Variants in NCOA6 observed in about 807,000 individuals in gnomAD.
The protein encoded by NCOA6 is NRC RAP250.
In NCOA6, 49 loss-of-function variants were observed where a neutral mutation model predicts 171.4. That is an observed-to-expected ratio of 0.29 (90% confidence interval 0.23 to 0.36). NCOA6 has a LOEUF of 0.36. NCOA6 is among the 10% of genes least tolerant of loss of function. The probability of loss-of-function intolerance (pLI) is 1.00; values close to 1 mark genes in which losing one functional copy is unlikely to be tolerated. For synonymous variants in NCOA6, 910 were observed against 927.5 expected, an observed-to-expected ratio of 0.98 and a Z score of 0.34; for missense variants, 2,248 against 2,554.5, an observed-to-expected ratio of 0.88 and a Z score of 2.59.
At position 34,757,931 on chromosome 20, in the gene NCOA6, G is replaced by A; in HGVS notation, c.817C>T (p.Gln273Ter). ...TGTTGCTGTTGTTGCTGCTGCTGCT[G>A]CTGCTGCTGCTGTTGTTGTTGTTGC... is the stretch of plus-strand genomic sequence containing the variant. ...QQQQQQQQQQ[Q>*]QQQQQQQQQQ... Residue 273 changes from glutamine (Q) to a stop codon, truncating the protein, a stop_gained, in exon 7 of 15, where the codon CAG (glutamine) becomes TAG (stop). Transcript: ENST00000359003. LOFTEE classifies it high-confidence loss of function. 6.2e-7 allele frequency: 1 copy of A among 1,613,836 alleles called. No individual in the cohort carries two copies. Among genetic ancestry groups the A allele is most frequent in the Non-Finnish European group, 8.5e-7 (1 of 1,179,846 alleles).
At chr20:34,716,811 T>C (rs2146873276) in intron 14 of NCOA6, among the ~76,000 whole-genome samples, 1 of 152,024 alleles carries the variant, frequency 6.6e-6, no homozygotes, top group Admixed American at 6.5e-5. Flanking sequence ...CAGAGTACAG[T>C]GAATAGCCTG....
chr20:34,790,050 C>T (rs1368937780), intron 2 of NCOA6, among the ~76,000 whole-genome samples: 4 of 146,054 alleles, frequency 2.7e-5, no homozygotes, highest in African/African-American at 5.1e-5. Flanking sequence ...GCCTGGCCAA[C>T]GTGGCAAATC....
intron 1 of NCOA6, among the ~76,000 whole-genome samples, chr20:34,807,081 C>T (rs1465487100): frequency 6.6e-6 from 1 of 152,152 alleles, no homozygotes; most frequent in Non-Finnish European, 1.5e-5. Context: ...TGATAGGATG[C>T]CACTCCATGA....
At chr20:34,717,991 T>C (rs1271554689) in intron 14 of NCOA6, among the ~76,000 whole-genome samples, 1 of 152,170 alleles carries the variant, frequency 6.6e-6, no homozygotes, top group Non-Finnish European at 1.5e-5. Context: ...CCCTCCTTCC[T>C]TGCTTGTTCC....
intron 1 of NCOA6, among the ~76,000 whole-genome samples, chr20:34,818,694 C>T (rs2078915499): frequency 6.6e-6 from 1 of 152,168 alleles, no homozygotes; most frequent in Non-Finnish European, 1.5e-5. Flanking sequence ...TTTCAGGTAC[C>T]ATTCTCTAGT....
At chr20:34,766,598 C>A (rs2076990654) in intron 5 of NCOA6, among the ~76,000 whole-genome samples, 2 of 152,126 alleles carry the variant, frequency 1.3e-5, no homozygotes, top group African/African-American at 4.8e-5. Context: ...CTTAGAGATA[C>A]TTAGTAAACA....
chr20:34,754,911 A>G, intron 7 of NCOA6, 43 bp from the exon 8 acceptor site: 2 of 1,603,936 alleles, frequency 1.2e-6, no homozygotes, highest in Non-Finnish European at 1.7e-6. Context: ...TAGCAAATTT[A>G]TACTCTTGCT....
intron 2 of NCOA6, among the ~76,000 whole-genome samples, chr20:34,784,885 A>G (rs1330318515): frequency 1.3e-5 from 2 of 152,130 alleles, no homozygotes; most frequent in Non-Finnish European, 2.9e-5. Context: ...TTTCGAGACC[A>G]GCCTGGTCAA....
intron 12 of NCOA6, among the ~76,000 whole-genome samples, chr20:34,735,297 C>G (rs2075915929): frequency 6.6e-6 from 1 of 152,072 alleles, no homozygotes; most frequent in Non-Finnish European, 1.5e-5. Context: ...CTACCCTTCT[C>G]AAATATCCAA....
chr20:34,785,860 G>A (rs1285366660), intron 2 of NCOA6, among the ~76,000 whole-genome samples: 5 of 144,936 alleles, frequency 3.4e-5, no homozygotes, highest in African/African-American at 1.0e-4. Context: ...CAATACTATG[G>A]GCATTACACA....
chr20:34,825,296 G>C (rs1267695276), intron 1 of NCOA6, among the ~76,000 whole-genome samples, 176 bp downstream of exon 1: 1 of 150,886 alleles, frequency 6.6e-6, no homozygotes, highest in Non-Finnish European at 1.5e-5. Flanking sequence ...GGACACAAGC[G>C]CGGCGGGCGG....
Position 34,750,386 on chromosome 20 carries a change from T to C in NCOA6, c.1809A>G (p.Gln603=), listed in dbSNP as rs778314158. The part of the protein sequence containing the change: ...NQQAGTSGVP[Q]VNLSNMQGQP... ...GGCCTTGCATGTTGCTGAGGTTCAC[T>C]TGAGGAACCCCAGAAGTACCAGCCT... The change falls in exon 9 of 15, where the codon CAA becomes CAG. Residue 603 remains glutamine, a synonymous_variant. Transcript: ENST00000359003. The C allele has an allele frequency of 3.7e-6, 6 of 1,614,030 alleles. No homozygotes were observed. Among genetic ancestry groups the C allele is most frequent in the South Asian group, 2.2e-5 (2 of 91,084 alleles).
intron 11 of NCOA6, among the ~76,000 whole-genome samples, chr20:34,739,859 T>G (rs1033571095): frequency 2.6e-5 from 4 of 152,206 alleles, no homozygotes; most frequent in African/African-American, 9.6e-5. Context: ...TTTGAGAGCC[T>G]TAGCTCTCTG....
At chr20:34,722,608 A>T (rs1464902336) in intron 14 of NCOA6, among the ~76,000 whole-genome samples, 1 of 149,134 alleles carries the variant, frequency 6.7e-6, no homozygotes, top group East Asian at 2.0e-4. Context: ...TAAACTCAGG[A>T]GTTCAAGGTT....
At chr20:34,774,923 A>G (rs552883912) in intron 4 of NCOA6, among the ~76,000 whole-genome samples, 1 of 152,356 alleles carries the variant, frequency 6.6e-6, no homozygotes, top group East Asian at 1.9e-4. Flanking sequence ...AAATGATCTG[A>G]GGGAGAGAAA....
chr20:34,780,813 C>T (rs62214861), intron 3 of NCOA6, among the ~76,000 whole-genome samples: 4 of 151,884 alleles, frequency 2.6e-5, no homozygotes, highest in Non-Finnish European at 5.9e-5. Flanking sequence ...GCCAACATAC[C>T]CAACTAATTT....
At chr20:34,745,368 T>C (rs2076272956) in intron 10 of NCOA6, among the ~76,000 whole-genome samples, 2 of 152,188 alleles carry the variant, frequency 1.3e-5, no homozygotes, top group African/African-American at 4.8e-5. Context: ...ACCCCTGGGA[T>C]TCTTATAAGA....
At position 34,742,878 on chromosome 20, in the gene NCOA6, C is replaced by T. The variant is rs1177734532; in HGVS notation, c.3378G>A (p.Leu1126=). 6.2e-7 allele frequency: 1 copy of T among 1,614,220 alleles called. No individual in the cohort carries two copies. The highest frequency in any genetic ancestry group is 1.1e-5 in the South Asian group (1 of 91,082). ...CTTCAGGGAGTGAGGCCATCTCCGC[C>T]AGTGGCGAGCTGGAAGGATTCTGCG... ...ESPQNPSSSP[L]AEMASLPEAS... The change falls in exon 11 of 15, where the codon CTG becomes CTA. Residue 1126 remains leucine (L), a synonymous_variant. Transcript: ENST00000359003.
intron 14 of NCOA6, among the ~76,000 whole-genome samples, chr20:34,722,934 G>C (rs1191622974): frequency 6.6e-6 from 1 of 152,190 alleles, no homozygotes; most frequent in African/African-American, 2.4e-5. Flanking sequence ...TTGAACCTGG[G>C]AGGTGGAGGT....
Sources: allele counts gnomAD v4.1 joint callset (sites outside exome capture counted in the v4.1 genomes callset), GRCh38; gene constraint gnomAD v4.1.1; transcripts MANE v1.5; gene names NCBI Gene and HGNC (gene_info 2026-07-23, HGNC 2026-07-21).